FN3KRP: variants seen among roughly 807,000 people sequenced by gnomAD.
FN3KRP encodes the protein ketosamine-3-kinase.
A neutral mutation model predicts 29.8 loss-of-function variants in FN3KRP; 33 were observed. The observed-to-expected ratio is 1.11, with a 90% CI of 0.84 to 1.48. The LOEUF (loss-of-function observed/expected upper bound fraction) is 1.48. Among genes scored for constraint, FN3KRP ranks in the 40% most tolerant of loss-of-function variants. The pLI is 0.00. For missense variants in FN3KRP, 430 were observed against 402.6 expected, an observed-to-expected ratio of 1.07 and a Z score of -0.58; for synonymous variants, 157 against 155.2, an observed-to-expected ratio of 1.01 and a Z score of -0.09.
At chr17:82,719,473 C>T (rs543877149) in intron 2 of FN3KRP, among the ~76,000 whole-genome samples, 3 of 152,324 alleles carry the variant, frequency 2.0e-5, no homozygotes, top group East Asian at 1.9e-4. Context: ...CCTCGCTGCA[C>T]GCCGGCCGCG....
Position 82,720,378 on chromosome 17 carries a change from G to A in FN3KRP, c.385+15G>A, listed in dbSNP as rs764220024. The stretch of plus-strand genomic sequence containing the variant: ...GGGCACAGTGGGTATGGCACTGCGC[G>A]GGCCACGGGTGCTCCCGCCTAGAGG... On this transcript the variant is annotated intron_variant, in intron 3 of 5. Coordinates refer to ENST00000269373, the MANE Select transcript of FN3KRP (RefSeq NM_024619.4). 6.9e-6 allele frequency: 11 copies of A among 1,602,804 alleles called. No homozygotes were observed. Among genetic ancestry groups the A allele is most frequent in the South Asian group, 2.2e-5 (2 of 90,606 alleles).
Position 82,726,960 on chromosome 17 carries a change from G to C in FN3KRP, c.719G>C (p.Gly240Ala), listed in dbSNP as rs746763211. ...ATTTTTGACCCAGCTTCTTTCTACG[G>C]CCACTCGGAATATGAGCTGGCAATA... Reference protein sequence around the residue: ...PVIFDPASFYGHSEYELAIAG... With the variant: ...PVIFDPASFYAHSEYELAIAG... Residue 240 changes from glycine to alanine, a missense_variant, in exon 6 of 6, where the codon GGC becomes GCC. Physicochemically the swap from Gly to Ala is moderately conservative, Grantham distance 60. Transcript: ENST00000269373. The C allele has an allele frequency of 6.2e-7, 1 of 1,613,822 alleles. No homozygotes were observed.
chr17:82,716,718 C>T lies in FN3KRP; in HGVS notation c.-38C>T. ...GCTCGGCCGCCGTCTCTCGAGTCTC[C>T]GCCAGATCCGGGGCGGGTCCGCGGC... On this transcript the variant is annotated 5_prime_UTR_variant, in exon 1 of 6. Transcript: ENST00000269373. The T allele has an allele frequency of 2.7e-6, 4 of 1,462,020 alleles. No homozygotes were observed. Among genetic ancestry groups the T allele is most frequent in the Non-Finnish European group, 3.6e-6 (4 of 1,113,850 alleles). The allele number at this position is 1,462,020 out of a possible 1,614,324, so 90.6% of individuals were successfully genotyped here. A position where few individuals can be genotyped will look rare whatever the true frequency, so the allele number is the denominator to read the frequency against.
In FN3KRP at chr17:82,727,812, A is replaced by T. The variant is rs747430509; in HGVS notation, c.*641A>T. 6.6e-6 allele frequency: 1 copy of T among 152,098 alleles called. No homozygotes were observed. Among genetic ancestry groups the T allele is most frequent in the Non-Finnish European group, 1.5e-5 (1 of 68,046 alleles). 9.4% of individuals were successfully genotyped at this position (152,098 alleles called of 1,614,324 possible). Reference sequence around the variant, plus strand: ...TCCTTGGGTACATCCAGGAGTCTTCATTGCTTCTGTTATTACCCCGTCTCC... The same window carrying T: ...TCCTTGGGTACATCCAGGAGTCTTCTTTGCTTCTGTTATTACCCCGTCTCC... On this transcript the variant is annotated 3_prime_UTR_variant, in exon 6 of 6. Transcript: ENST00000269373.
At chr17:82,723,036 A>G in intron 4 of FN3KRP, 150 bp downstream of exon 4, 1 of 678,276 alleles carries the variant, frequency 1.5e-6, no homozygotes, top group Non-Finnish European at 2.4e-6. Flanking sequence ...GGTTGACGTA[A>G]GATTGACCCA....
chr17:82,717,935 G>C (rs535107338), intron 1 of FN3KRP, among the ~76,000 whole-genome samples: 3 of 152,232 alleles, frequency 2.0e-5, no homozygotes, highest in Non-Finnish European at 4.4e-5. Context: ...TATGTATTGT[G>C]TGTCTGTGTG....
At position 82,718,514 on chromosome 17, in the gene FN3KRP, CTG is replaced by C. The variant is rs1190368357; in HGVS notation, c.142-388_142-387del. On this transcript the variant is annotated intron_variant, in intron 1 of 5. Transcript: ENST00000269373. ...CCTGCACCTGAGAGGTCGGGTGAGT[CTG>C]TGTCCTGTAGGTGGAACAGGACTGC... 26 of 1,001,272 alleles carry C rather than the reference CTG, an allele frequency of 2.6e-5. No individual in the cohort carries two copies. The Admixed American group carries it at 3.9e-4, about 15-fold the overall frequency. 62.0% of individuals were successfully genotyped at this position (1,001,272 alleles called of 1,614,324 possible). A position where few individuals can be genotyped will look rare whatever the true frequency, so the allele number is the denominator to read the frequency against.
At chr17:82,720,209 G>A (rs757583889) in intron 2 of FN3KRP, 63 bp from the exon 3 acceptor site, 1 of 1,333,298 alleles carries the variant, frequency 7.5e-7, no homozygotes. Context: ...CCCTGAGACT[G>A]AGCAGTGGGT....
chr17:82,727,183 T>G lies in FN3KRP; in HGVS notation c.*12T>G. On this transcript the variant is annotated 3_prime_UTR_variant, in exon 6 of 6. Coordinates refer to ENST00000269373, the MANE Select transcript of FN3KRP (RefSeq NM_024619.4). ...ATCTGGTCAAGTGAGCGGGCCTTAC[T>G]CTGGAAGGAGGCCTCAGAGGTTTCT... 6.2e-7 allele frequency: 1 copy of G among 1,607,562 alleles called. No individual in the cohort carries two copies. Among genetic ancestry groups the G allele is most frequent in the Non-Finnish European group, 8.5e-7 (1 of 1,175,712 alleles).
rs1221757366 is a variant in FN3KRP, at chr17:82,727,093, C to T, written c.852C>T (p.His284=). 6.2e-7 allele frequency: 1 copy of T among 1,614,226 alleles called. No homozygotes were observed. Among genetic ancestry groups the T allele is most frequent in the Non-Finnish European group, 8.5e-7 (1 of 1,180,042 alleles). ...EKRLQLYQLF[H]YLNHWNHFGS... ...GCCTTCAGTTGTATCAGCTCTTTCA[C>T]TACTTGAACCACTGGAATCATTTTG... Residue 284 remains histidine, a synonymous_variant, in exon 6 of 6, where the codon CAC becomes CAT. Coordinates refer to ENST00000269373, the MANE Select transcript of FN3KRP (RefSeq NM_024619.4).
At chr17:82,719,294 G>C (rs1355916869) in intron 2 of FN3KRP, among the ~76,000 whole-genome samples, 1 of 152,246 alleles carries the variant, frequency 6.6e-6, no homozygotes, top group African/African-American at 2.4e-5. Flanking sequence ...TTTCCACCAA[G>C]TGGTTCTCTG....
intron 2 of FN3KRP, among the ~76,000 whole-genome samples, chr17:82,719,748 C>T (rs1282982811): frequency 2.6e-5 from 4 of 151,762 alleles, no homozygotes; most frequent in African/African-American, 9.7e-5. Context: ...GAGCGAGACT[C>T]AGTCTCAAAA....
At chr17:82,717,288 A>G (rs891543956) in intron 1 of FN3KRP, among the ~76,000 whole-genome samples, 1 of 152,160 alleles carries the variant, frequency 6.6e-6, no homozygotes, top group Non-Finnish European at 1.5e-5. Context: ...AAGCTGCTTA[A>G]GTCCTCAGCT....
At chr17:82,723,628 T>C (rs2046816312) in intron 4 of FN3KRP, among the ~76,000 whole-genome samples, 1 of 148,442 alleles carries the variant, frequency 6.7e-6, no homozygotes, top group Non-Finnish European at 1.5e-5. Context: ...CATATGTGTA[T>C]GTGTGCACAC....
chr17:82,716,889 AGGC>A lies in FN3KRP; in HGVS notation c.137_139del (p.Ala46del). 2 of 1,536,034 alleles carry A rather than the reference AGGC, an allele frequency of 1.3e-6. No individual in the cohort carries two copies. Among genetic ancestry groups the A allele is most frequent in the Non-Finnish European group, 1.8e-6 (2 of 1,133,914 alleles). Reference sequence around the variant, plus strand: ...CGAGTGTTCGTGAAAGTGAACCCCAAGGCGGAGGTCAGGCAGCGGGTCGGGCGG... The same window carrying A: ...CGAGTGTTCGTGAAAGTGAACCCCAAGGAGGTCAGGCAGCGGGTCGGGCGG... On this transcript the variant is annotated inframe_deletion, in exon 1 of 6. Transcript: ENST00000269373.
chr17:82,725,615 A>G (rs2046831464), intron 4 of FN3KRP, among the ~76,000 whole-genome samples: 1 of 151,918 alleles, frequency 6.6e-6, no homozygotes, highest in South Asian at 2.1e-4. Context: ...ACGTCCGGCT[A>G]ATTTTTGTAT....
chr17:82,717,273 C>T (rs1260955712), intron 1 of FN3KRP, among the ~76,000 whole-genome samples: 9 of 152,130 alleles, frequency 5.9e-5, no homozygotes, highest in African/African-American at 2.2e-4. Context: ...TCGTTCTAGC[C>T]GGGGAAGCTG....
Position 82,720,340 on chromosome 17 carries a change from G to A in FN3KRP, c.362G>A (p.Arg121His), listed in dbSNP as rs756638100. 9.9e-6 allele frequency: 16 copies of A among 1,613,614 alleles called. No homozygotes were observed. The highest frequency in any genetic ancestry group is 3.3e-5 in the Admixed American group (2 of 59,990). Reference protein sequence around the residue: ...HLDNKKLGEMRLKEAGTVGRG... With the variant: ...HLDNKKLGEMHLKEAGTVGRG... The stretch of plus-strand genomic sequence containing the variant: ...GATAACAAGAAGCTTGGAGAGATGC[G>A]CCTGAAGGAGGCGGGCACAGTGGGT... The change falls in exon 3 of 6, where the codon CGC becomes CAC. Residue 121 changes from arginine (R) to histidine (H), a missense_variant. Arg to His is a conservative substitution (Grantham distance 29). Coordinates refer to ENST00000269373, the MANE Select transcript of FN3KRP (RefSeq NM_024619.4).
At chr17:82,721,748 T>C (rs1598333712) in intron 3 of FN3KRP, among the ~76,000 whole-genome samples, 1 of 151,620 alleles carries the variant, frequency 6.6e-6, no homozygotes, top group Non-Finnish European at 1.5e-5. Context: ...GTGATCCACC[T>C]GCCTCGGCCT....
Sources: gnomAD v4.1 joint callset for allele counts (sites outside exome capture counted in the v4.1 genomes callset) on GRCh38, gnomAD v4.1.1 for gene constraint, MANE v1.5 for transcripts, NCBI Gene and HGNC (gene_info 2026-07-23, HGNC 2026-07-21) for gene names.